Variants in SH3KBP1 observed in about 807,000 individuals in gnomAD.
The protein encoded by SH3KBP1 is SH3 domain-containing kinase-binding protein 1.
SH3KBP1 carries 8 observed loss-of-function variants against 50.1 expected under a neutral mutation model. That is an observed-to-expected ratio of 0.16 (90% CI 0.09 to 0.29). The LOEUF (loss-of-function observed/expected upper bound fraction) is 0.29. Ranked by LOEUF, SH3KBP1 falls within the 10% of genes least tolerant of loss-of-function variation. The pLI is 1.00. For synonymous variants in SH3KBP1, 227 were observed against 218.6 expected (o/e 1.04, Z -0.34); for missense variants, 377 against 535.2 (o/e 0.70, Z 2.92).
At chrX:19,794,576 G>A (rs2066651990) in intron 2 of SH3KBP1, among the ~76,000 whole-genome samples, 1 of 110,299 alleles carries the variant, frequency 9.1e-6, no homozygotes, top group Admixed American at 9.6e-5. Context: ...GGTGGCAGGC[G>A]CCTGGAGTCC....
intron 9 of SH3KBP1, among the ~76,000 whole-genome samples, chrX:19,597,444 C>T (rs1428577947): frequency 1.8e-5 from 2 of 111,626 alleles, no homozygotes; most frequent in Admixed American, 9.5e-5. Flanking sequence ...GTTTTTGAGA[C>T]AGGATCTCAC....
intron 2 of SH3KBP1, among the ~76,000 whole-genome samples, chrX:19,749,210 C>G (rs1212784254): frequency 8.9e-6 from 1 of 112,197 alleles, no homozygotes; most frequent in Non-Finnish European, 1.9e-5. Flanking sequence ...TAGGGCAGCT[C>G]CTGTGGAAAA....
chrX:19,698,790 TC>T (rs781432500), intron 4 of SH3KBP1, among the ~76,000 whole-genome samples: 1 of 112,126 alleles, frequency 8.9e-6, no homozygotes, highest in East Asian at 2.8e-4. Flanking sequence ...TAGTTCAACT[TC>T]CTGTGTAAAG....
At chrX:19,788,286 C>A (rs12012525) in intron 2 of SH3KBP1, among the ~76,000 whole-genome samples, 5,457 of 63,807 alleles carry the variant, frequency 0.086, 430 homozygotes, top group African/African-American at 0.24. Context: ...AAAAAAAAAA[C>A]AAAAAAAAAA....
chrX:19,659,033 G>A (rs765320662), intron 6 of SH3KBP1, among the ~76,000 whole-genome samples: 10 of 107,241 alleles, frequency 9.3e-5, no homozygotes, highest in African/African-American at 3.1e-4. Context: ...ATAGCTCACC[G>A]CAGCCTTGAC....
chrX:19,572,394 TATGTTATATATAGTACATAC>T (rs1271676189), intron 12 of SH3KBP1, among the ~76,000 whole-genome samples: 6 of 93,400 alleles, frequency 6.4e-5, no homozygotes, highest in African/African-American at 1.4e-4. Context: ...AGTACATACA[TATGTTATATATAGTACATAC>T]ATGTTATATA....
intron 4 of SH3KBP1, among the ~76,000 whole-genome samples, chrX:19,698,608 AT>A (rs1210199686): frequency 9.0e-6 from 1 of 111,432 alleles, no homozygotes; most frequent in Non-Finnish European, 1.9e-5. Context: ...CACGATGCTC[AT>A]TTTTCTGTGA....
At chrX:19,821,193 C>T (rs1161942202) in intron 2 of SH3KBP1, among the ~76,000 whole-genome samples, 1 of 111,855 alleles carries the variant, frequency 8.9e-6, no homozygotes, top group African/African-American at 3.2e-5. Flanking sequence ...GAGTTTGACA[C>T]CAGCCTGGCC....
In SH3KBP1 at chrX:19,856,951, C is replaced by CTTTTTTTTTTTTTTT. The variant is rs758486199; in HGVS notation, c.5-20684_5-20670dup. 5.0e-4 allele frequency among the ~76,000 whole-genome samples: 10 copies of CTTTTTTTTTTTTTTT among 20,051 alleles called. 2 individuals carry two copies. The highest frequency in any genetic ancestry group is 6.7e-4 in the African/African-American group (5 of 7,448). The allele number at this position is 20,051 out of a possible 115,157, so 17.4% of individuals were successfully genotyped here. Reference sequence around the variant, plus strand: ...CTTTTCCCCTAGAGCTAATACTAGTCTTTTTTTTTTTTTTTTTTTTTTTTT... The same window carrying CTTTTTTTTTTTTTTT: ...CTTTTCCCCTAGAGCTAATACTAGTCTTTTTTTTTTTTTTTTTTTTTTTTTTTTTTTTTTTTTTTT... On this transcript the variant is annotated intron_variant, in intron 1 of 17. Coordinates refer to ENST00000397821, the MANE Select transcript of SH3KBP1 (RefSeq NM_031892.3).
chrX:19,575,220 T>A (rs916057638), intron 12 of SH3KBP1, among the ~76,000 whole-genome samples: 7 of 112,560 alleles, frequency 6.2e-5, no homozygotes, highest in African/African-American at 2.3e-4. Context: ...CTATCCCCAG[T>A]TTTAGGAGCA....
At chrX:19,587,353 T>TC (rs979457379) in intron 12 of SH3KBP1, among the ~76,000 whole-genome samples, 1 of 106,300 alleles carries the variant, frequency 9.4e-6, no homozygotes, top group Non-Finnish European at 1.9e-5. Flanking sequence ...AAATGGGGAG[T>TC]CACTGTTTAA....
intron 2 of SH3KBP1, among the ~76,000 whole-genome samples, chrX:19,788,935 C>T (rs921177030): frequency 8.9e-6 from 1 of 111,956 alleles, no homozygotes; most frequent in African/African-American, 3.2e-5. Flanking sequence ...GCCATCCTGG[C>T]CAACATGGCA....
At chrX:19,743,897 G>C (rs1431083626) in intron 3 of SH3KBP1, among the ~76,000 whole-genome samples, 5 of 112,579 alleles carry the variant, frequency 4.4e-5, no homozygotes. Context: ...ACAGAAAACA[G>C]TCATCTCATC....
intron 12 of SH3KBP1, 79 bp from the exon 13 acceptor site, chrX:19,569,267 G>C: frequency 1.1e-6 from 1 of 871,068 alleles, no homozygotes; most frequent in Non-Finnish European, 1.7e-6. Context: ...TGCTGCACAC[G>C]TTAAGGAGTG....
intron 8 of SH3KBP1, among the ~76,000 whole-genome samples, chrX:19,630,363 T>C (rs2061548949): frequency 8.9e-6 from 1 of 112,672 alleles, no homozygotes; most frequent in Admixed American, 9.4e-5. Flanking sequence ...ATTCGTATTG[T>C]GCTTCACACC....
chrX:19,752,641 T>C (rs1845342740), intron 2 of SH3KBP1, among the ~76,000 whole-genome samples: 1 of 112,059 alleles, frequency 8.9e-6, no homozygotes, highest in Admixed American at 9.4e-5. Context: ...TGGGTGGTGG[T>C]TACACAGGTG....
rs186318751 is a variant in SH3KBP1, at chrX:19,867,456, G to A, written c.4+19851C>T. Among the ~76,000 whole-genome samples the A allele has an allele frequency of 7.1e-5, 8 of 112,283 alleles. No individual in the cohort carries two copies. In the East Asian group the frequency reaches 8.4e-4, roughly 12 times the overall value. On this transcript the variant is annotated intron_variant, in intron 1 of 17. Coordinates refer to ENST00000397821, the MANE Select transcript of SH3KBP1 (RefSeq NM_031892.3). ...AAAAATAAATAACTCATCCCCAATT[G>A]GTGGTGTCTTCCTGTTTATAAACCC... is the stretch of plus-strand genomic sequence containing the variant.
intron 3 of SH3KBP1, among the ~76,000 whole-genome samples, chrX:19,723,124 C>G: frequency 1.2e-5 from 1 of 80,236 alleles, no homozygotes; most frequent in South Asian, 6.6e-4. Context: ...GCCTGAGTGA[C>G]AGAATGAGAC....
At chrX:19,546,215 C>T (rs2065080446) in intron 14 of SH3KBP1, among the ~76,000 whole-genome samples, 165 bp from the exon 15 acceptor site, 1 of 112,460 alleles carries the variant, frequency 8.9e-6, no homozygotes, top group African/African-American at 3.2e-5. Flanking sequence ...GCGCTCAAGT[C>T]ACATAGCTGA....
Sources: gnomAD v4.1 joint callset for allele counts (sites outside exome capture counted in the v4.1 genomes callset) on GRCh38, gnomAD v4.1.1 for gene constraint, MANE v1.5 for transcripts, NCBI Gene and HGNC (gene_info 2026-07-23, HGNC 2026-07-21) for gene names.